Variants in F2 observed in about 807,000 individuals in gnomAD.
The protein encoded by F2 is coagulation factor II, thrombin, also known as prothrombin.
F2 carries 34 observed loss-of-function variants against 81.9 expected under a neutral mutation model. That is an observed-to-expected ratio of 0.42 (90% CI 0.32 to 0.55). F2 has a LOEUF of 0.55. F2 is among the 20% of genes least tolerant of loss of function. The probability of loss-of-function intolerance (pLI) is 0.18; values close to 1 mark genes in which losing one functional copy is unlikely to be tolerated. For synonymous variants in F2, 296 were observed against 326.4 expected, an observed-to-expected ratio of 0.91 and a Z score of 1.01; for missense variants, 630 against 833.4, an observed-to-expected ratio of 0.76 and a Z score of 3.00.
rs183874169 is a variant in F2, at chr11:46,735,654, G to T, written c.1655-3394G>T. Among the ~76,000 whole-genome samples the T allele has an allele frequency of 2.7e-3, 411 of 150,626 alleles. 3 individuals are homozygous for T. Among genetic ancestry groups the T allele is most frequent in the African/African-American group, 9.8e-3 (403 of 40,968 alleles). On this transcript the variant is annotated intron_variant, in intron 12 of 13. Transcript: ENST00000311907. ...AAAAAAAAAATCGGCTGGGCGCGGTGGCTCACGCCTGTAATCCTAGCACTT... is the reference window on the plus strand; with the variant it reads ...AAAAAAAAAATCGGCTGGGCGCGGTTGCTCACGCCTGTAATCCTAGCACTT...
Position 46,726,870 on chromosome 11 carries a change from C to A in F2, c.1130+33C>A. The A allele has an allele frequency of 1.2e-6, 2 of 1,612,252 alleles. No individual in the cohort carries two copies. Among genetic ancestry groups the A allele is most frequent in the South Asian group, 1.1e-5 (1 of 91,016 alleles). ...CTGGAGCCCTGCGCTACCATTCACT[C>A]CTGGGGGCAGGTGTGCTGCTGGACC... On this transcript the variant is annotated intron_variant, in intron 9 of 13. Coordinates refer to ENST00000311907, the MANE Select transcript of F2 (RefSeq NM_000506.5). This position sits in a 1 kb window ranked among gnomAD's most constrained non-coding sequence, Gnocchi z 5.9.
chr11:46,739,313 G>A lies in F2; in HGVS notation c.1774G>A (p.Glu592Lys). Reference protein sequence around the residue: ...WYQMGIVSWGEGCDRDGKYGF... With the variant: ...WYQMGIVSWGKGCDRDGKYGF... ...TCAAATGGGCATCGTCTCATGGGGT[G>A]AAGGCTGTGACCGGGATGGGAAATA... The change falls in exon 14 of 14, where the codon GAA becomes AAA. Residue 592 changes from glutamate (E) to lysine (K), a missense_variant. Physicochemically the swap from Glu to Lys is moderately conservative, Grantham distance 56. Coordinates refer to ENST00000311907, the MANE Select transcript of F2 (RefSeq NM_000506.5). 6.2e-7 allele frequency: 1 copy of A among 1,614,154 alleles called. No homozygotes were observed. The highest frequency in any genetic ancestry group is 8.5e-7 in the Non-Finnish European group (1 of 1,180,026).
intron 2 of F2, chr11:46,720,317 T>C (rs937671360): frequency 4.7e-6 from 3 of 632,146 alleles, no homozygotes; most frequent in African/African-American, 1.8e-5. Context: ...TCTTTCAGTC[T>C]CGGTGTGTGT....
At chr11:46,732,394 T>C (rs2064919070) in intron 12 of F2, among the ~76,000 whole-genome samples, 1 of 151,964 alleles carries the variant, frequency 6.6e-6, no homozygotes, top group Non-Finnish European at 1.5e-5. Context: ...GGTTCACCTT[T>C]TTTTTTCTTT....
rs1165489725 is a variant in F2 at position 46,725,940 on chromosome 11, T to C, written c.641T>C (p.Val214Ala). 1.2e-6 allele frequency: 2 copies of C among 1,613,892 alleles called. No individual in the cohort carries two copies. Among genetic ancestry groups the C allele is most frequent in the Admixed American group, 3.3e-5 (2 of 60,018 alleles). Residue 214 changes from valine (V) to alanine (A), a missense_variant, in exon 7 of 14, where the codon GTC (valine) becomes GCC (alanine). Physicochemically the swap from Val to Ala is moderately conservative, Grantham distance 64. Coordinates refer to ENST00000311907, the MANE Select transcript of F2 (RefSeq NM_000506.5). ...VNLSPPLEQCVPDRGQQYQGR... is the reference protein window; with the variant it reads ...VNLSPPLEQCAPDRGQQYQGR... ...CTGTCACCTCCATTGGAGCAGTGTG[T>C]CCCTGATCGGGGGCAGCAGTACCAG... is the stretch of plus-strand genomic sequence containing the variant.
chr11:46,738,634 C>T (rs1057141161), intron 12 of F2, among the ~76,000 whole-genome samples: 3 of 151,942 alleles, frequency 2.0e-5, no homozygotes, highest in Admixed American at 6.6e-5. Flanking sequence ...CCACCATGCC[C>T]AGCTAATTTT....
rs2064890828 is a variant in F2, at chr11:46,728,547, T to G, written c.1299-117T>G. On this transcript the variant is annotated intron_variant, in intron 10 of 13. Transcript: ENST00000311907. This position sits in a 1 kb window ranked among gnomAD's most constrained non-coding sequence, Gnocchi z 5.1. Reference sequence around the variant, plus strand: ...GCTGCCATGGCAGGAACCAGCCCTATCCCCTCCCTGGTGGCCTGCAGGACA... The same window carrying G: ...GCTGCCATGGCAGGAACCAGCCCTAGCCCCTCCCTGGTGGCCTGCAGGACA... The G allele has an allele frequency of 1.7e-6, 2 of 1,183,846 alleles. No homozygotes were observed. Among genetic ancestry groups the G allele is most frequent in the Admixed American group, 3.8e-5 (2 of 53,140 alleles). 73.3% of individuals were successfully genotyped at this position (1,183,846 alleles called of 1,614,324 possible).
intron 4 of F2, 63 bp downstream of exon 4, chr11:46,720,903 G>C (rs889843584): frequency 8.8e-6 from 14 of 1,597,430 alleles, no homozygotes; most frequent in African/African-American, 1.3e-5. Flanking sequence ...AAGAGCTCAG[G>C]GGTGGGTTTG....
chr11:46,727,905 G>C (rs2064885484), intron 9 of F2, 91 bp from the exon 10 acceptor site: 5 of 1,455,538 alleles, frequency 3.4e-6, no homozygotes, highest in Admixed American at 2.0e-5. Flanking sequence ...TGCCCAGCTG[G>C]GTTCTTAGAC....
chr11:46,720,707 C>G, intron 3 of F2, 83 bp from the exon 4 acceptor site: 1 of 1,558,234 alleles, frequency 6.4e-7, no homozygotes, highest in Non-Finnish European at 8.9e-7. Flanking sequence ...CTTTCTGTTT[C>G]TCACCAACAT....
chr11:46,735,398 G>A (rs1050081089), intron 12 of F2, among the ~76,000 whole-genome samples: 8 of 151,040 alleles, frequency 5.3e-5, no homozygotes, highest in Non-Finnish European at 8.9e-5. Context: ...CTGAGATCAC[G>A]CCATTGAACT....
At chr11:46,732,516 G>A (rs931260409) in intron 12 of F2, among the ~76,000 whole-genome samples, 10 of 151,818 alleles carry the variant, frequency 6.6e-5, no homozygotes, top group African/African-American at 2.4e-4. Flanking sequence ...TCCTGCCTCA[G>A]CCTCCTGAGT....
Position 46,726,308 on chromosome 11 carries a change from A to G in F2, c.874+135A>G. On this transcript the variant is annotated intron_variant, in intron 7 of 13. Coordinates refer to ENST00000311907, the MANE Select transcript of F2 (RefSeq NM_000506.5). This position sits in a 1 kb window ranked among gnomAD's most constrained non-coding sequence, Gnocchi z 5.9. ...CCTTACAGTAACCAGGTGGGGGGTA[A>G]GGTCCTGTGCCCATTTCACAGATAA... 1 of 1,435,120 alleles carries G rather than the reference A, an allele frequency of 7.0e-7. No individual in the cohort carries two copies. The highest frequency in any genetic ancestry group is 9.5e-7 in the Non-Finnish European group (1 of 1,054,298). The allele number at this position is 1,435,120 out of a possible 1,614,324, so 88.9% of individuals were successfully genotyped here.
At chr11:46,724,395 T>C (rs1020794675) in intron 6 of F2, among the ~76,000 whole-genome samples, 10 of 152,104 alleles carry the variant, frequency 6.6e-5, no homozygotes, top group African/African-American at 2.4e-4. Flanking sequence ...TGGCTCCTCG[T>C]TGAGGGTTGG....
intron 12 of F2, among the ~76,000 whole-genome samples, chr11:46,735,939 T>C (rs571761534): frequency 5.6e-4 from 83 of 149,528 alleles, no homozygotes; most frequent in Admixed American, 8.7e-4. Flanking sequence ...GTGCGGTGGC[T>C]CACACCTGTA....
rs781456817 is a variant in F2 at position 46,726,338 on chromosome 11, A to C, written c.875-160A>C. Reference sequence around the variant, plus strand: ...CTGTGCCCATTTCACAGATAAGTACACTGAGGCCCCAGGAGGTTATTGCCT... The same window carrying C: ...CTGTGCCCATTTCACAGATAAGTACCCTGAGGCCCCAGGAGGTTATTGCCT... On this transcript the variant is annotated intron_variant, in intron 7 of 13. Transcript: ENST00000311907. This position sits in a 1 kb window ranked among gnomAD's most constrained non-coding sequence, Gnocchi z 5.9. Among the ~76,000 whole-genome samples, 2 of 152,162 alleles carry C rather than the reference A, an allele frequency of 1.3e-5. No homozygotes were observed. The highest frequency in any genetic ancestry group is 2.9e-5 in the Non-Finnish European group (2 of 68,024).
intron 6 of F2, 137 bp from the exon 7 acceptor site, chr11:46,725,722 G>A (rs1349702997): frequency 1.0e-6 from 1 of 988,056 alleles, no homozygotes; most frequent in East Asian, 2.4e-5. Context: ...AAAGGCAAAC[G>A]GTCAGAAGCC....
chr11:46,723,085 C>A lies in F2; in HGVS notation c.317-95C>A. 9.9e-7 allele frequency: 1 copy of A among 1,014,336 alleles called. No individual in the cohort carries two copies. Among genetic ancestry groups the A allele is most frequent in the Non-Finnish European group, 1.6e-6 (1 of 633,444 alleles). The allele number at this position is 1,014,336 out of a possible 1,614,324, so 62.8% of individuals were successfully genotyped here. On this transcript the variant is annotated intron_variant, in intron 4 of 13. Coordinates refer to ENST00000311907, the MANE Select transcript of F2 (RefSeq NM_000506.5). The surrounding 1 kb of genome is among the most constrained non-coding windows in gnomAD (Gnocchi z 5.6). ...TGAATGCAGGTTCAGGATTGTGGAC[C>A]TGCATGAGCTGGGAGGTGGGGGATA...
At chr11:46,729,644 C>A (rs2064898698) in intron 12 of F2, 83 bp downstream of exon 12, 1 of 1,522,746 alleles carries the variant, frequency 6.6e-7, no homozygotes. Context: ...AGCCATGTGA[C>A]TTTGAGCAAG....
Sources: allele counts gnomAD v4.1 joint callset (sites outside exome capture counted in the v4.1 genomes callset), GRCh38; gene constraint gnomAD v4.1.1; non-coding constraint Gnocchi (gnomAD v3.1); transcripts MANE v1.5; gene names NCBI Gene and HGNC (gene_info 2026-07-23, HGNC 2026-07-21).